IL1RAPL1: variants seen among roughly 807,000 people sequenced by gnomAD.
IL1RAPL1 encodes interleukin 1 receptor accessory protein like 1.
IL1RAPL1 carries 3 observed loss-of-function variants against 48.4 expected under a neutral mutation model. That is an observed-to-expected ratio of 0.06 (90% confidence interval 0.03 to 0.16). IL1RAPL1 has a LOEUF of 0.16. IL1RAPL1 is among the 10% of genes least tolerant of loss of function. The pLI is 1.00. For missense variants in IL1RAPL1, 349 were observed against 530.6 expected, an observed-to-expected ratio of 0.66 and a Z score of 3.36; for synonymous variants, 185 against 187.7, an observed-to-expected ratio of 0.99 and a Z score of 0.12.
chrX:29,423,924 T>C (rs1380960999), intron 5 of IL1RAPL1, among the ~76,000 whole-genome samples: 1 of 112,041 alleles, frequency 8.9e-6, no homozygotes, highest in Non-Finnish European at 1.9e-5. Flanking sequence ...AAAAATTGAC[T>C]GAGTTCTTAT....
At position 28,819,213 on chromosome X, in the gene IL1RAPL1, GAA is replaced by G. The variant is rs758620053; in HGVS notation, c.82+29791_82+29792del. ...CTTAAAGAAGTATAGATGTGTCTGA[GAA>G]AATAAAAACCCATGAATCTTCGGAT... On this transcript the variant is annotated intron_variant, in intron 2 of 10. Coordinates refer to ENST00000378993, the MANE Select transcript of IL1RAPL1 (RefSeq NM_014271.4). 2.7e-4 allele frequency among the ~76,000 whole-genome samples: 30 copies of G among 110,913 alleles called. 1 individual carries two copies. The highest frequency in any genetic ancestry group is 2.6e-3 in the Admixed American group (27 of 10,356).
chrX:29,458,061 G>A (rs1183180879), intron 5 of IL1RAPL1, among the ~76,000 whole-genome samples: 4 of 112,164 alleles, frequency 3.6e-5, no homozygotes, highest in African/African-American at 9.7e-5. Flanking sequence ...GATTACAGGC[G>A]TGAGCCACTG....
intron 5 of IL1RAPL1, among the ~76,000 whole-genome samples, chrX:29,481,298 C>T (rs1055156300): frequency 8.9e-6 from 1 of 112,693 alleles, no homozygotes; most frequent in African/African-American, 3.2e-5. Context: ...TTAGTCACTA[C>T]GGTTCCTTCA....
chrX:28,846,446 G>A (rs965021009), intron 2 of IL1RAPL1, among the ~76,000 whole-genome samples: 1 of 111,688 alleles, frequency 9.0e-6, no homozygotes, highest in Non-Finnish European at 1.9e-5. Flanking sequence ...ATTCCGAGGA[G>A]TGTGACTACT....
chrX:29,431,757 T>A (rs1417791775), intron 5 of IL1RAPL1, among the ~76,000 whole-genome samples: 3 of 110,692 alleles, frequency 2.7e-5, no homozygotes, highest in Non-Finnish European at 5.7e-5. Context: ...TAGCAGAGGG[T>A]TTGAAAGAAG....
chrX:28,983,635 G>A (rs1925396137), intron 2 of IL1RAPL1, among the ~76,000 whole-genome samples: 1 of 111,654 alleles, frequency 9.0e-6, no homozygotes, highest in Admixed American at 9.5e-5. Context: ...TCAATACTGT[G>A]TTATATTTCC....
chrX:28,975,649 G>A (rs1486245736), intron 2 of IL1RAPL1, among the ~76,000 whole-genome samples: 1 of 112,136 alleles, frequency 8.9e-6, no homozygotes, highest in Non-Finnish European at 1.9e-5. Flanking sequence ...CAGGGATCCA[G>A]CAGTAAATAG....
chrX:29,386,353 C>T (rs1485011781), intron 3 of IL1RAPL1, among the ~76,000 whole-genome samples: 1 of 110,380 alleles, frequency 9.1e-6, no homozygotes, highest in Non-Finnish European at 1.9e-5. Flanking sequence ...TTGATAATAC[C>T]CATCCCAGTG....
intron 1 of IL1RAPL1, among the ~76,000 whole-genome samples, chrX:28,686,187 A>G (rs750924502): frequency 1.8e-5 from 2 of 112,275 alleles, no homozygotes; most frequent in Non-Finnish European, 3.8e-5. Flanking sequence ...CAATAAGTCT[A>G]TAACATATTG....
intron 2 of IL1RAPL1, among the ~76,000 whole-genome samples, chrX:29,036,331 C>T (rs980135057): frequency 8.9e-6 from 1 of 111,861 alleles, no homozygotes; most frequent in African/African-American, 3.2e-5. Flanking sequence ...AGAAAGAGGG[C>T]AAAAACGCGG....
chrX:29,147,276 T>C (rs1397420385), intron 2 of IL1RAPL1, among the ~76,000 whole-genome samples: 1 of 112,226 alleles, frequency 8.9e-6, no homozygotes, highest in African/African-American at 3.2e-5. Flanking sequence ...ATTCCCATCT[T>C]AATAGCAGCA....
intron 6 of IL1RAPL1, among the ~76,000 whole-genome samples, chrX:29,871,963 C>T (rs113603755): frequency 0.028 from 3,111 of 111,193 alleles, 124 homozygotes; most frequent in African/African-American, 0.096. Flanking sequence ...CCTTGTGATC[C>T]GCCCGCCTCA....
In IL1RAPL1 at chrX:29,946,492, G is replaced by A. The variant is rs376860498; in HGVS notation, c.1201+4698G>A. On this transcript the variant is annotated intron_variant, in intron 9 of 10. Transcript: ENST00000378993. ...GAAGTAACCACAATGGTTAAGGGGA[G>A]GAGAAGATACGCTATCCCCCTACCA... is the stretch of plus-strand genomic sequence containing the variant. Among the ~76,000 whole-genome samples the A allele has an allele frequency of 3.6e-5, 4 of 112,044 alleles. No homozygotes were observed. The East Asian group carries it at 8.4e-4, about 23-fold the overall frequency.
chrX:29,004,609 T>G (rs1280058032), intron 2 of IL1RAPL1, among the ~76,000 whole-genome samples: 2 of 112,515 alleles, frequency 1.8e-5, no homozygotes, highest in Non-Finnish European at 3.7e-5. Flanking sequence ...GTACTACTAA[T>G]AAACACATTT....
intron 5 of IL1RAPL1, among the ~76,000 whole-genome samples, chrX:29,625,243 G>C (rs1924582680): frequency 9.0e-6 from 1 of 111,519 alleles, no homozygotes; most frequent in Non-Finnish European, 1.9e-5. Flanking sequence ...TATATAATTT[G>C]TAACATCAGT....
intron 4 of IL1RAPL1, among the ~76,000 whole-genome samples, chrX:29,397,364 A>C (rs774088596): frequency 8.9e-6 from 1 of 111,779 alleles, no homozygotes; most frequent in African/African-American, 3.2e-5. Flanking sequence ...CAAGAAACAA[A>C]CCTTTAACAA....
chrX:29,040,826 C>T (rs1335204797), intron 2 of IL1RAPL1, among the ~76,000 whole-genome samples: 2 of 111,941 alleles, frequency 1.8e-5, no homozygotes, highest in African/African-American at 6.5e-5. Context: ...CCCCACCAGG[C>T]TCATGTCAGT....
intron 6 of IL1RAPL1, among the ~76,000 whole-genome samples, chrX:29,809,082 CT>C (rs757296782): frequency 9.5e-4 from 85 of 89,483 alleles, no homozygotes; most frequent in Middle Eastern, 5.7e-3. Flanking sequence ...TCTGCTCCTG[CT>C]TTTTTTTTTT....
intron 1 of IL1RAPL1, among the ~76,000 whole-genome samples, chrX:28,673,177 C>A (rs768455559): frequency 9.0e-6 from 1 of 111,617 alleles, no homozygotes; most frequent in African/African-American, 3.3e-5. Context: ...AATAGAGGAC[C>A]CGGAAATAAG....
Sources: gnomAD v4.1 joint callset for allele counts (sites outside exome capture counted in the v4.1 genomes callset) on GRCh38, gnomAD v4.1.1 for gene constraint, MANE v1.5 for transcripts, NCBI Gene and HGNC (gene_info 2026-07-23, HGNC 2026-07-21) for gene names.